The following GPRC5C variants were observed in gnomAD, a reference collection of about 807,000 sequenced individuals.
GPRC5C encodes G protein-coupled receptor family C group 5 member C.
GPRC5C carries 22 observed loss-of-function variants against 31.4 expected under a neutral mutation model. The ratio of observed to expected loss-of-function variants is 0.70; its 90% CI spans 0.50 to 1.00. GPRC5C has a LOEUF of 1.00. GPRC5C is among the 50% of genes least tolerant of loss of function. GPRC5C has a pLI of 0.00. For synonymous variants in GPRC5C, 249 were observed against 257.5 expected (o/e 0.97, Z 0.32); for missense variants, 557 against 597.2 (o/e 0.93, Z 0.70).
intron 1 of GPRC5C, 154 bp downstream of exon 1, chr17:74,432,295 C>T (rs2055362675): frequency 6.8e-6 from 10 of 1,468,322 alleles, no homozygotes; most frequent in Non-Finnish European, 9.0e-6. Flanking sequence ...GCAAGGAGCC[C>T]TGCCTGGGGA....
In GPRC5C at chr17:74,440,792, A is replaced by G; in HGVS notation, c.1016A>G (p.Glu339Gly). 6.6e-7 allele frequency: 1 copy of G among 1,524,000 alleles called. No individual in the cohort carries two copies. Among genetic ancestry groups the G allele is most frequent in the South Asian group, 1.3e-5 (1 of 77,232 alleles). The allele number at this position is 1,524,000 out of a possible 1,614,324, so 94.4% of individuals were successfully genotyped here. ...KEQKGQSMFV[E>G]NKAFSMDEPV... ...CAGAAGGGTCAGAGCATGTTCGTGG[A>G]GAACAAGGCCTTTTCCATGGATGAG... Residue 339 changes from glutamate to glycine, a missense_variant, in exon 2 of 4, where the codon GAG becomes GGG. By Grantham distance (98) the Glu-to-Gly change is moderately conservative (BLOSUM62 -2). Coordinates refer to ENST00000392627, the MANE Select transcript of GPRC5C (RefSeq NM_022036.4). The surrounding 1 kb of genome is among the most constrained non-coding windows in gnomAD (Gnocchi z 4.4).
At chr17:74,438,480 C>T (rs527245914) in intron 1 of GPRC5C, among the ~76,000 whole-genome samples, 5 of 151,822 alleles carry the variant, frequency 3.3e-5, no homozygotes, top group Non-Finnish European at 5.9e-5. Flanking sequence ...GGGCTGGTCT[C>T]GAACTCCTGA....
chr17:74,443,284 T>G (rs1047073769), intron 2 of GPRC5C: 2 of 236,620 alleles, frequency 8.5e-6, no homozygotes, highest in Non-Finnish European at 1.7e-5. Flanking sequence ...GGGACGTGCG[T>G]TAAGGCTCCC....
downstream of GPRC5C, chr17:74,449,386 T>A (rs1323561804): frequency 7.8e-7 from 1 of 1,280,600 alleles, no homozygotes; most frequent in South Asian, 1.2e-5. Flanking sequence ...TTCCCGGGAC[T>A]GCACGGCATC....
intron 1 of GPRC5C, among the ~76,000 whole-genome samples, chr17:74,435,565 C>G (rs73348388): frequency 0.071 from 10,853 of 152,282 alleles, 1,164 homozygotes; most frequent in African/African-American, 0.23. Flanking sequence ...ACAGGCTCCT[C>G]TCTCATTCCT....
downstream of GPRC5C, chr17:74,450,087 C>T (rs543264333): frequency 6.5e-6 from 1 of 152,706 alleles, no homozygotes; most frequent in African/African-American, 2.4e-5. Context: ...CCTGCCTGCA[C>T]TCTGCCCGCA....
intron 3 of GPRC5C, chr17:74,445,948 C>T (rs1054500316): frequency 1.5e-5 from 2 of 135,198 alleles, no homozygotes; most frequent in African/African-American, 2.7e-5. Context: ...TGCTTGAGGC[C>T]GAGGGTTCGA....
At chr17:74,443,960 C>A in intron 3 of GPRC5C, 48 bp downstream of exon 3, 1 of 1,284,778 alleles carries the variant, frequency 7.8e-7, no homozygotes, top group Non-Finnish European at 1.1e-6. Flanking sequence ...CTACAGAGAC[C>A]AGCCTCAGCA....
At position 74,446,745 on chromosome 17, in the gene GPRC5C, G is replaced by T. The variant is rs1029608689; in HGVS notation, c.1147-104G>T. The stretch of plus-strand genomic sequence containing the variant: ...GCAGAGGAGCCGAGGGGGGAGTTGG[G>T]GGGGATCTGGCAGTCCCAGCCCTGC... On this transcript the variant is annotated intron_variant, in intron 3 of 3. Coordinates refer to ENST00000392627, the MANE Select transcript of GPRC5C (RefSeq NM_022036.4). 1.1e-5 allele frequency: 10 copies of T among 895,270 alleles called. No individual in the cohort carries two copies. In the South Asian group the frequency reaches 1.4e-4, roughly 13 times the overall value. The allele number at this position is 895,270 out of a possible 1,614,324, so 55.5% of individuals were successfully genotyped here.
rs185315552 is a variant in GPRC5C at position 74,442,659 on chromosome 17, C to T, written c.1052-1159C>T. ...AGGTCAGAGTCAGGCAGTGGAAGTT[C>T]CAGAATCAGAGACATTCCTTTCTCT... On this transcript the variant is annotated intron_variant, in intron 2 of 3. Transcript: ENST00000392627. 1.5e-3 allele frequency among the ~76,000 whole-genome samples: 222 copies of T among 152,352 alleles called. 5 individuals carry two copies. The South Asian group carries it at 0.035, about 24-fold the overall frequency.
chr17:74,443,344 C>A (rs985423096), intron 2 of GPRC5C: 1 of 286,100 alleles, frequency 3.5e-6, no homozygotes, highest in Admixed American at 5.4e-5. Flanking sequence ...CAGGTCGGCC[C>A]TGGGAGGACA....
intron 2 of GPRC5C, among the ~76,000 whole-genome samples, chr17:74,441,588 G>C: frequency 6.6e-6 from 1 of 152,222 alleles, no homozygotes; most frequent in East Asian, 1.9e-4. Flanking sequence ...ACTTTGGGAG[G>C]CTGAGGTGAG....
intron 3 of GPRC5C, chr17:74,446,611 A>T: frequency 1.9e-6 from 1 of 534,114 alleles, no homozygotes; most frequent in South Asian, 2.5e-5. Context: ...GTGAAGCCCC[A>T]GCACCATCCA....
At chr17:74,437,666 A>T (rs2055453831) in intron 1 of GPRC5C, among the ~76,000 whole-genome samples, 1 of 133,028 alleles carries the variant, frequency 7.5e-6, no homozygotes, top group Admixed American at 7.4e-5. Context: ...GAAAAGAGGG[A>T]CAATTTCTAT....
intron 3 of GPRC5C, among the ~76,000 whole-genome samples, chr17:74,444,964 TG>T (rs1218457139): frequency 1.5e-4 from 23 of 152,094 alleles, no homozygotes; most frequent in African/African-American, 5.5e-4. Context: ...AAAGTGCAAA[TG>T]GGGGCCAGGC....
chr17:74,451,494 G>A (rs1446328828), downstream of GPRC5C: 1 of 152,142 alleles, frequency 6.6e-6, no homozygotes, highest in Non-Finnish European at 1.5e-5. Context: ...AGCGTTGAAT[G>A]GAAAAAGACT....
At chr17:74,433,117 C>T (rs1471993337) in intron 1 of GPRC5C, among the ~76,000 whole-genome samples, 2 of 152,074 alleles carry the variant, frequency 1.3e-5, no homozygotes, top group Admixed American at 6.5e-5. Flanking sequence ...TCCCCAGGCC[C>T]GCAGTGTTAC....
At position 74,440,266 on chromosome 17, in the gene GPRC5C, A is replaced by G. The variant is rs2055509183; in HGVS notation, c.490A>G (p.Thr164Ala). Residue 164 changes from threonine (T) to alanine (A), a missense_variant, in exon 2 of 4, where the codon ACC becomes GCC. Coordinates refer to ENST00000392627, the MANE Select transcript of GPRC5C (RefSeq NM_022036.4). The surrounding 1 kb of genome is among the most constrained non-coding windows in gnomAD (Gnocchi z 4.4). ...WVIFTVALLL[T>A]LVEVIINTEW... ...GATCTTCACTGTGGCTCTGCTGCTGACCCTGGTAGAGGTCATCATCAATAC... is the reference window on the plus strand; with the variant it reads ...GATCTTCACTGTGGCTCTGCTGCTGGCCCTGGTAGAGGTCATCATCAATAC... The G allele has an allele frequency of 1.2e-6, 2 of 1,613,970 alleles. No homozygotes were observed. The highest frequency in any genetic ancestry group is 4.5e-5 in the East Asian group (2 of 44,848).
At chr17:74,449,421 G>A, downstream of GPRC5C, 1 of 1,070,068 alleles carries the variant, frequency 9.3e-7, no homozygotes, top group Non-Finnish European at 1.3e-6. Context: ...TCTGTACCCA[G>A]GCTGGACCGG....
Sources: gnomAD v4.1 joint callset for allele counts (sites outside exome capture counted in the v4.1 genomes callset) on GRCh38, gnomAD v4.1.1 for gene constraint, Gnocchi (gnomAD v3.1) non-coding constraint, MANE v1.5 for transcripts, NCBI Gene and HGNC (gene_info 2026-07-23, HGNC 2026-07-21) for gene names.